The following LAMA2 variants were observed in gnomAD, a reference collection of about 807,000 sequenced individuals.
LAMA2 encodes the protein laminin subunit alpha 2.
Under a neutral mutation model 364.8 loss-of-function variants are expected in LAMA2, and 269 were observed. The ratio of observed to expected loss-of-function variants is 0.74; its 90% CI spans 0.67 to 0.82. LAMA2 has a LOEUF of 0.82. Ranked by LOEUF, LAMA2 falls within the 40% of genes least tolerant of loss-of-function variation. LAMA2 has a pLI of 0.00. For synonymous variants in LAMA2, 1,379 were observed against 1,370.6 expected (o/e 1.01, Z -0.14); for missense variants, 3,807 against 3,873.2 (o/e 0.98, Z 0.45).
chr6:129,177,914 T>A, intron 10 of LAMA2, 48 bp downstream of exon 10: 1 of 1,574,458 alleles, frequency 6.4e-7, no homozygotes, highest in Non-Finnish European at 8.7e-7. Context: ...CAGAAGGTTA[T>A]TTTTCTTGGC....
At chr6:128,977,101 A>G (rs1455342207) in intron 1 of LAMA2, among the ~76,000 whole-genome samples, 3 of 150,876 alleles carry the variant, frequency 2.0e-5, no homozygotes, top group Admixed American at 6.6e-5. Context: ...GTTATAAAGA[A>G]CTTCGCATTG....
chr6:128,887,594 C>A (rs1776214806), intron 1 of LAMA2, among the ~76,000 whole-genome samples: 1 of 152,020 alleles, frequency 6.6e-6, no homozygotes, highest in Non-Finnish European at 1.5e-5. Flanking sequence ...GGGGGCTGGG[C>A]AAGGTGGCTC....
chr6:128,933,832 G>A (rs1162515607), intron 1 of LAMA2, among the ~76,000 whole-genome samples: 1 of 151,986 alleles, frequency 6.6e-6, no homozygotes, highest in Non-Finnish European at 1.5e-5. Flanking sequence ...TATATATTTT[G>A]AATATTAACT....
intron 29 of LAMA2, among the ~76,000 whole-genome samples, chr6:129,334,532 C>T (rs573996433): frequency 6.6e-6 from 1 of 152,042 alleles, no homozygotes; most frequent in South Asian, 2.1e-4. Flanking sequence ...AGTCGAAGAA[C>T]CAATCAGTTG....
chr6:129,449,443 G>A (rs999719715), intron 45 of LAMA2, among the ~76,000 whole-genome samples: 1 of 152,040 alleles, frequency 6.6e-6, no homozygotes, highest in Non-Finnish European at 1.5e-5. Context: ...TCTCACCCCT[G>A]TAAGCCTTTT....
intron 1 of LAMA2, among the ~76,000 whole-genome samples, chr6:128,910,710 G>A (rs7741538): frequency 0.023 from 3,510 of 152,082 alleles, 104 homozygotes; most frequent in African/African-American, 0.07. Context: ...GAGGAGAGGC[G>A]CTCTGCTTTT....
At chr6:129,111,390 G>A (rs953798929) in intron 4 of LAMA2, among the ~76,000 whole-genome samples, 8 of 151,940 alleles carry the variant, frequency 5.3e-5, no homozygotes, top group African/African-American at 1.9e-4. Flanking sequence ...TCCTGGCAAG[G>A]TTATAAGTTA....
At chr6:129,234,047 G>A (rs1369557588) in intron 12 of LAMA2, among the ~76,000 whole-genome samples, 1 of 152,290 alleles carries the variant, frequency 6.6e-6, no homozygotes, top group Non-Finnish European at 1.5e-5. Flanking sequence ...TTTGCCTGAA[G>A]CAAAGTTCTC....
chr6:129,260,242 A>G (rs1477906220), intron 14 of LAMA2, among the ~76,000 whole-genome samples: 1 of 152,148 alleles, frequency 6.6e-6, no homozygotes, highest in Admixed American at 6.6e-5. Context: ...AAGCAGATTT[A>G]TCTCTAAGAA....
chr6:129,123,097 G>C (rs1020627769), intron 4 of LAMA2, among the ~76,000 whole-genome samples: 2 of 152,040 alleles, frequency 1.3e-5, no homozygotes, highest in African/African-American at 4.8e-5. Flanking sequence ...GAGGTCAGGA[G>C]TTCGAGAGCA....
At chr6:128,916,260 A>G (rs1562826411) in intron 1 of LAMA2, among the ~76,000 whole-genome samples, 1 of 152,248 alleles carries the variant, frequency 6.6e-6, no homozygotes, top group Non-Finnish European at 1.5e-5. Context: ...AAATTGGGAT[A>G]TGAGAATTGA....
chr6:128,905,144 A>G (rs956756124), intron 1 of LAMA2, among the ~76,000 whole-genome samples: 18 of 152,180 alleles, frequency 1.2e-4, no homozygotes, highest in African/African-American at 3.9e-4. Flanking sequence ...AGTTTCCTAT[A>G]TTATAACTGC....
chr6:128,947,039 G>A (rs1400984312), intron 1 of LAMA2, among the ~76,000 whole-genome samples: 1 of 152,184 alleles, frequency 6.6e-6, no homozygotes, highest in Non-Finnish European at 1.5e-5. Context: ...ACATCTAGCT[G>A]AAAAGTAAAG....
At chr6:129,407,628 G>A (rs1051800617) in intron 40 of LAMA2, among the ~76,000 whole-genome samples, 4 of 152,200 alleles carry the variant, frequency 2.6e-5, no homozygotes, top group African/African-American at 9.7e-5. Context: ...AGCTGGTATT[G>A]ATGACTACCT....
intron 18 of LAMA2, among the ~76,000 whole-genome samples, chr6:129,282,909 A>G (rs1315162217): frequency 6.6e-6 from 1 of 152,142 alleles, no homozygotes. Context: ...TTGCCCTGTC[A>G]AATCCCTTCA....
chr6:129,208,705 AAGG>A (rs1782873703), intron 12 of LAMA2, among the ~76,000 whole-genome samples: 1 of 123,096 alleles, frequency 8.1e-6, no homozygotes, highest in African/African-American at 3.4e-5. Flanking sequence ...GGAAGGAAGG[AAGG>A]AAAAGGGAGG....
At chr6:129,264,392 G>A (rs1479300813) in intron 15 of LAMA2, among the ~76,000 whole-genome samples, 2 of 151,590 alleles carry the variant, frequency 1.3e-5, no homozygotes, top group East Asian at 1.9e-4. Flanking sequence ...GTGTGGGGGG[G>A]TGGGGGCATG....
At chr6:129,114,929 C>T (rs535383458) in intron 4 of LAMA2, among the ~76,000 whole-genome samples, 18 of 152,150 alleles carry the variant, frequency 1.2e-4, no homozygotes, top group Middle Eastern at 3.4e-3. Context: ...TTGCATATGT[C>T]ATTCATTTAT....
At chr6:129,418,647 C>G (rs1470834072) in intron 40 of LAMA2, among the ~76,000 whole-genome samples, 1 of 151,838 alleles carries the variant, frequency 6.6e-6, no homozygotes, top group Non-Finnish European at 1.5e-5. Flanking sequence ...CTGGAAACTT[C>G]TAATTAAATT....
Sources: allele counts gnomAD v4.1 joint callset (sites outside exome capture counted in the v4.1 genomes callset), GRCh38; gene constraint gnomAD v4.1.1; transcripts MANE v1.5; gene names NCBI Gene and HGNC (gene_info 2026-07-23, HGNC 2026-07-21).